Variants in ATG3 observed in about 807,000 individuals in gnomAD.
ATG3 encodes ubiquitin-like-conjugating enzyme ATG3.
Under a neutral mutation model 50.7 loss-of-function variants are expected in ATG3, and 25 were observed. The ratio of observed to expected loss-of-function variants is 0.49; its 90% CI spans 0.36 to 0.69. The LOEUF is 0.69. Among genes scored for constraint, ATG3 ranks in the 30% least tolerant of loss-of-function variants. The pLI is 0.00. For synonymous variants in ATG3, 119 were observed against 125.5 expected (o/e 0.95, Z 0.34); for missense variants, 281 against 376.0 (o/e 0.75, Z 2.09).
At chr3:112,547,994 C>T (rs1161557445) in intron 5 of ATG3, among the ~76,000 whole-genome samples, 1 of 152,156 alleles carries the variant, frequency 6.6e-6, no homozygotes, top group East Asian at 1.9e-4. Context: ...TTTTCCCTCT[C>T]TGTATTTAGA....
At position 112,561,730 on chromosome 3, in the gene ATG3, C is replaced by T; in HGVS notation, c.-202G>A. ...AGGCACAGCGCGCGAAGACGGGGTG[C>T]GCGATCCTCGCACCCCAGGCAGCCC... On this transcript the variant is annotated 5_prime_UTR_variant, in exon 1 of 12. Coordinates refer to ENST00000283290, the MANE Select transcript of ATG3 (RefSeq NM_022488.5). 1 of 571,026 alleles carries T rather than the reference C, an allele frequency of 1.8e-6. No individual in the cohort carries two copies. Among genetic ancestry groups the T allele is most frequent in the Non-Finnish European group, 3.0e-6 (1 of 331,500 alleles). The allele number at this position is 571,026 out of a possible 1,614,324, so 35.4% of individuals were successfully genotyped here.
chr3:112,536,898 G>A (rs1194260277), intron 9 of ATG3: 1 of 116,242 alleles, frequency 8.6e-6, no homozygotes, highest in Admixed American at 1.4e-4. Context: ...TCCAGCCTGG[G>A]CGACAGAGCG....
chr3:112,544,429 G>A (rs1214045502), intron 5 of ATG3, among the ~76,000 whole-genome samples: 2 of 152,110 alleles, frequency 1.3e-5, no homozygotes, highest in African/African-American at 2.4e-5. Flanking sequence ...GCTGGGGCGG[G>A]TGGATCATCT....
At position 112,541,791 on chromosome 3, in the gene ATG3, G is replaced by A. The variant is rs780806164; in HGVS notation, c.475+12C>T. On this transcript the variant is annotated intron_variant, in intron 7 of 11. Coordinates refer to ENST00000283290, the MANE Select transcript of ATG3 (RefSeq NM_022488.5). ...TTCTAGTGGAACTGAAGCAAATCTA[G>A]AACAGGAATACCTTCCATATCTGCA... 1 of 1,600,398 alleles carries A rather than the reference G, an allele frequency of 6.2e-7. No homozygotes were observed. The highest frequency in any genetic ancestry group is 1.7e-5 in the Admixed American group (1 of 59,874).
intron 11 of ATG3, chr3:112,533,938 T>C (rs2082573480): frequency 1.9e-6 from 2 of 1,080,706 alleles, no homozygotes; most frequent in African/African-American, 1.6e-5. Flanking sequence ...TAATTTTACT[T>C]TTACCTGATG....
At chr3:112,561,105 A>T (rs1394845220) in intron 1 of ATG3, among the ~76,000 whole-genome samples, 2 of 152,224 alleles carry the variant, frequency 1.3e-5, no homozygotes, top group African/African-American at 2.4e-5. Context: ...AAAGAGAAGC[A>T]AAATCCTTGC....
chr3:112,545,557 C>G (rs1188889629), intron 5 of ATG3, among the ~76,000 whole-genome samples: 1 of 152,138 alleles, frequency 6.6e-6, no homozygotes, highest in South Asian at 2.1e-4. Flanking sequence ...TAGCACAAAG[C>G]TTTTACTTCA....
intron 1 of ATG3, 43 bp from the exon 2 acceptor site, chr3:112,558,460 C>G: frequency 7.0e-7 from 1 of 1,433,936 alleles, no homozygotes; most frequent in South Asian, 1.2e-5. Context: ...TCATGTTTCA[C>G]TATCAATTAA....
intron 7 of ATG3, among the ~76,000 whole-genome samples, chr3:112,539,918 T>C (rs986494698): frequency 3.9e-5 from 6 of 152,256 alleles, no homozygotes; most frequent in African/African-American, 1.4e-4. Context: ...GGTTCTATGC[T>C]ACCCCACCAC....
At chr3:112,543,963 G>T in intron 6 of ATG3, 94 bp downstream of exon 6, 1 of 885,658 alleles carries the variant, frequency 1.1e-6, no homozygotes, top group Non-Finnish European at 1.7e-6. Flanking sequence ...GTTTTTATAA[G>T]AAAGATATGG....
At chr3:112,534,446 A>G in intron 10 of ATG3, 109 bp from the exon 11 acceptor site, 1 of 704,866 alleles carries the variant, frequency 1.4e-6, no homozygotes, top group Non-Finnish European at 2.1e-6. Flanking sequence ...CAGTGAATTA[A>G]TTTTTAATAG....
Position 112,561,900 on chromosome 3 carries a change from G to A in ATG3, c.-372C>T. 4.0e-6 allele frequency: 1 copy of A among 248,450 alleles called. No homozygotes were observed. The highest frequency in any genetic ancestry group is 4.8e-5 in the South Asian group (1 of 21,000). The allele number at this position is 248,450 out of a possible 1,614,324, so 15.4% of individuals were successfully genotyped here. Reference sequence around the variant, plus strand: ...GCTTTGCTTCACTCGCGCCCCTTCCGGCTTCCCTTCCTTCTCACTCTCTTG... The same window carrying A: ...GCTTTGCTTCACTCGCGCCCCTTCCAGCTTCCCTTCCTTCTCACTCTCTTG... On this transcript the variant is annotated 5_prime_UTR_variant, in exon 1 of 12. Transcript: ENST00000283290.
intron 10 of ATG3, 127 bp from the exon 11 acceptor site, chr3:112,534,464 A>G: frequency 1.8e-6 from 1 of 543,134 alleles, no homozygotes; most frequent in East Asian, 3.4e-5. Context: ...TAGTTATATT[A>G]TAAACTATCT....
intron 2 of ATG3, 56 bp from the exon 3 acceptor site, chr3:112,553,385 C>A: frequency 6.6e-7 from 1 of 1,522,664 alleles, no homozygotes; most frequent in Non-Finnish European, 9.1e-7. Context: ...TCAAACATCA[C>A]TGAATGTGCA....
intron 9 of ATG3, among the ~76,000 whole-genome samples, chr3:112,536,956 A>G (rs1194396413): frequency 9.1e-4 from 98 of 107,552 alleles, no homozygotes; most frequent in African/African-American, 3.2e-3. Context: ...AAAAAAAAAA[A>G]AAAAAAGAAA....
At chr3:112,534,400 T>G in intron 10 of ATG3, 63 bp from the exon 11 acceptor site, 1 of 1,356,722 alleles carries the variant, frequency 7.4e-7, no homozygotes, top group Middle Eastern at 1.9e-4. Flanking sequence ...AAGAAAAACA[T>G]ATTTTCATTT....
At chr3:112,541,498 T>C (rs1933226674) in intron 7 of ATG3, among the ~76,000 whole-genome samples, 1 of 152,260 alleles carries the variant, frequency 6.6e-6, no homozygotes. Flanking sequence ...AACTTTGTTC[T>C]GCTCTGAAAT....
intron 2 of ATG3, among the ~76,000 whole-genome samples, chr3:112,556,568 T>C (rs1162004775): frequency 4.5e-4 from 69 of 151,954 alleles, no homozygotes; most frequent in African/African-American, 1.6e-3. Flanking sequence ...ACAATGGCGG[T>C]TTTGTGGAAT....
intron 11 of ATG3, chr3:112,533,907 A>G: frequency 9.6e-7 from 1 of 1,042,202 alleles, no homozygotes; most frequent in Non-Finnish European, 1.2e-6. Context: ...TGCTTCAGAG[A>G]CACCTCAGAT....
Sources: allele counts gnomAD v4.1 joint callset (sites outside exome capture counted in the v4.1 genomes callset), GRCh38; gene constraint gnomAD v4.1.1; transcripts MANE v1.5; gene names NCBI Gene and HGNC (gene_info 2026-07-23, HGNC 2026-07-21).